SDK2: variants seen among roughly 807,000 people sequenced by gnomAD.
The protein encoded by SDK2 is protein sidekick-2.
In SDK2, 105 loss-of-function variants were observed where a neutral mutation model predicts 253.9. The observed-to-expected ratio is 0.41, with a 90% CI of 0.35 to 0.49. SDK2 has a LOEUF of 0.49. Ranked by LOEUF, SDK2 falls within the 20% of genes least tolerant of loss-of-function variation. The pLI is 0.06. For synonymous variants in SDK2, 1,249 were observed against 1,234.9 expected, an observed-to-expected ratio of 1.01 and a Z score of -0.24; for missense variants, 2,608 against 3,003.0, an observed-to-expected ratio of 0.87 and a Z score of 3.07.
At chr17:73,398,226 C>T in intron 23 of SDK2, 41 bp from the exon 24 acceptor site, 2 of 1,600,058 alleles carry the variant, frequency 1.2e-6, no homozygotes, top group Non-Finnish European at 1.7e-6. Context: ...AAGGGCAGCT[C>T]ACCCAACTCT....
At chr17:73,543,821 G>A (rs1162326216) in intron 1 of SDK2, among the ~76,000 whole-genome samples, 1 of 152,250 alleles carries the variant, frequency 6.6e-6, no homozygotes, top group Non-Finnish European at 1.5e-5. Context: ...CTGTCCCTGG[G>A]TGATGCCGCT....
intron 2 of SDK2, among the ~76,000 whole-genome samples, chr17:73,488,024 C>CT (rs77223341): frequency 0.28 from 42,743 of 150,814 alleles, 6,518 homozygotes; most frequent in East Asian, 0.48. Flanking sequence ...ATGACTGTCC[C>CT]TTTTTTTTTG....
intron 15 of SDK2, among the ~76,000 whole-genome samples, chr17:73,421,997 G>A (rs983003763): frequency 1.3e-5 from 2 of 152,172 alleles, no homozygotes; most frequent in Non-Finnish European, 2.9e-5. Context: ...AGCCCATGCG[G>A]ATGTGGAGTG....
intron 1 of SDK2, among the ~76,000 whole-genome samples, chr17:73,566,319 A>ATATGTGTGTG (rs752325058): frequency 7.2e-6 from 1 of 139,312 alleles, no homozygotes; most frequent in African/African-American, 2.8e-5. Context: ...TTATATATAT[A>ATATGTGTGTG]TGTGTGTGTG....
In SDK2 at chr17:73,520,297, C is replaced by G. The variant is rs866249402; in HGVS notation, c.65-12700G>C. ...ACCTTCTTTATCCCTTTTACTGGCT[C>G]TCATGGTTGGCAGAGAACCCACGAG... On this transcript the variant is annotated intron_variant, in intron 1 of 44. Transcript: ENST00000392650. 36 of 152,490 alleles carry G rather than the reference C, an allele frequency of 2.4e-4. 1 individual carries two copies. Among genetic ancestry groups the G allele is most frequent in the African/African-American group, 7.0e-4 (29 of 41,568 alleles). 9.4% of individuals were successfully genotyped at this position (152,490 alleles called of 1,614,324 possible). A position where few individuals can be genotyped will look rare whatever the true frequency, so the allele number is the denominator to read the frequency against.
intron 33 of SDK2, among the ~76,000 whole-genome samples, chr17:73,381,569 A>G (rs2062830539): frequency 1.3e-5 from 2 of 152,120 alleles, no homozygotes; most frequent in Admixed American, 1.3e-4. Flanking sequence ...TGAGAGAACT[A>G]AGGGAGGAAA....
In SDK2 at chr17:73,350,655, T is replaced by A. The variant is rs757113301; in HGVS notation, c.5894A>T (p.Asp1965Val). 2.8e-5 allele frequency: 45 copies of A among 1,609,666 alleles called. No homozygotes were observed. In the Admixed American group the frequency reaches 3.2e-4, roughly 12 times the overall value. Residue 1965 changes from aspartate to valine, a missense_variant, in exon 42 of 45, where the codon GAC (aspartate) becomes GTC (valine). Physicochemically the swap from Asp to Val is radical, Grantham distance 152. Coordinates refer to ENST00000392650, the MANE Select transcript of SDK2 (RefSeq NM_001144952.2). Reference protein sequence around the residue: ...GQSKKYAKKTDSGNSAKSGAL... With the variant: ...GQSKKYAKKTVSGNSAKSGAL... ...GCTGGTGCCAGCTCACTCACCCGAG[T>A]CTGTCTTCTTGGCGTACTTCTTGCT...
intron 3 of SDK2, among the ~76,000 whole-genome samples, chr17:73,463,635 G>T (rs1015871677): frequency 2.0e-5 from 3 of 151,938 alleles, no homozygotes; most frequent in Non-Finnish European, 4.4e-5. Context: ...CACAATTTGT[G>T]GTCAATGTAT....
chr17:73,622,669 G>A (rs919815255), intron 1 of SDK2, among the ~76,000 whole-genome samples: 2 of 152,152 alleles, frequency 1.3e-5, no homozygotes, highest in Admixed American at 6.5e-5. Flanking sequence ...CTTTCTTCCC[G>A]TGCCTCACCC....
intron 44 of SDK2, among the ~76,000 whole-genome samples, chr17:73,345,523 G>T (rs758348843): frequency 2.6e-5 from 4 of 152,076 alleles, no homozygotes; most frequent in Non-Finnish European, 5.9e-5. Flanking sequence ...CCTATATAGC[G>T]TCTGATTCCA....
At chr17:73,549,475 G>C (rs1370214775) in intron 1 of SDK2, among the ~76,000 whole-genome samples, 5 of 152,150 alleles carry the variant, frequency 3.3e-5, no homozygotes, top group Non-Finnish European at 7.3e-5. Flanking sequence ...GCTGGGAATC[G>C]CAAACAAAGA....
At chr17:73,640,363 G>T (rs2046383797) in intron 1 of SDK2, among the ~76,000 whole-genome samples, 1 of 152,118 alleles carries the variant, frequency 6.6e-6, no homozygotes, top group Non-Finnish European at 1.5e-5. Flanking sequence ...TCCCAGGCAG[G>T]GGCCATTTTC....
intron 1 of SDK2, among the ~76,000 whole-genome samples, chr17:73,540,747 G>T (rs939246150): frequency 1.3e-5 from 2 of 152,182 alleles, no homozygotes; most frequent in African/African-American, 4.8e-5. Context: ...ACCATCAATT[G>T]GTAGGAGAGT....
At position 73,447,773 on chromosome 17, in the gene SDK2, T is replaced by C. The variant is rs1183685373; in HGVS notation, c.480-25A>G. ...TCTGGGAAGAGGAAAAGGATTCCTCTGACAGGGGCCTAAGGGGCTCTGAAC... is the reference window on the plus strand; with the variant it reads ...TCTGGGAAGAGGAAAAGGATTCCTCCGACAGGGGCCTAAGGGGCTCTGAAC... On this transcript the variant is annotated intron_variant, in intron 4 of 44. Coordinates refer to ENST00000392650, the MANE Select transcript of SDK2 (RefSeq NM_001144952.2). The surrounding 1 kb of genome is among the most constrained non-coding windows in gnomAD (Gnocchi z 4.0). 3.2e-6 allele frequency: 5 copies of C among 1,551,354 alleles called. No individual in the cohort carries two copies. Among genetic ancestry groups the C allele is most frequent in the East Asian group, 2.4e-5 (1 of 40,910 alleles).
chr17:73,441,349 C>G (rs1366473995), intron 5 of SDK2, among the ~76,000 whole-genome samples: 1 of 152,164 alleles, frequency 6.6e-6, no homozygotes, highest in Non-Finnish European at 1.5e-5. Flanking sequence ...GGCCCCCTCC[C>G]CCAACACACC....
Position 73,443,425 on chromosome 17 carries a change from C to A in SDK2, c.614-2502G>T, listed in dbSNP as rs1427800467. Among the ~76,000 whole-genome samples, 1 of 151,398 alleles carries A rather than the reference C, an allele frequency of 6.6e-6. No homozygotes were observed. The highest frequency in any genetic ancestry group is 2.1e-4 in the South Asian group (1 of 4,828). ...TGTGCTCTAAGTTGTTTATTACATG[C>A]GGGGGCGCGCAGGTACCACGGCTCA... On this transcript the variant is annotated intron_variant, in intron 5 of 44. Coordinates refer to ENST00000392650, the MANE Select transcript of SDK2 (RefSeq NM_001144952.2). The surrounding 1 kb of genome is among the most constrained non-coding windows in gnomAD (Gnocchi z 4.6).
At chr17:73,619,977 T>C (rs2046108060) in intron 1 of SDK2, among the ~76,000 whole-genome samples, 1 of 152,146 alleles carries the variant, frequency 6.6e-6, no homozygotes. Flanking sequence ...GGCAGGCAGT[T>C]TGCTTGAGCC....
intron 2 of SDK2, among the ~76,000 whole-genome samples, chr17:73,491,283 C>A (rs1254033563): frequency 6.6e-6 from 1 of 152,024 alleles, no homozygotes; most frequent in Non-Finnish European, 1.5e-5. Context: ...GCCTGGGGAG[C>A]TTCAGTCCCA....
At position 73,405,573 on chromosome 17, in the gene SDK2, C is replaced by T. The variant is rs1350372937; in HGVS notation, c.2485-3432G>A. On this transcript the variant is annotated intron_variant, in intron 18 of 44. Transcript: ENST00000392650. ...ACTTATCTGAGAAGGAGAGCATACA[C>T]ATTTATGTATGCATGTACAGCAAAT... 3.6e-5 allele frequency among the ~76,000 whole-genome samples: 5 copies of T among 140,460 alleles called. No homozygotes were observed. In the East Asian group the frequency reaches 1.1e-3, roughly 30 times the overall value. The allele number at this position is 140,460 out of a possible 152,430, so 92.1% of individuals were successfully genotyped here.
Sources: allele counts gnomAD v4.1 joint callset (sites outside exome capture counted in the v4.1 genomes callset), GRCh38; gene constraint gnomAD v4.1.1; non-coding constraint Gnocchi (gnomAD v3.1); transcripts MANE v1.5; gene names NCBI Gene and HGNC (gene_info 2026-07-23, HGNC 2026-07-21).